Variants in ERI1 observed in about 807,000 individuals in gnomAD.
ERI1 encodes the protein exoribonuclease 1.
A neutral mutation model predicts 39.7 loss-of-function variants in ERI1; 39 were observed. The observed-to-expected ratio is 0.98, with a 90% CI of 0.76 to 1.28. The LOEUF is 1.28. Ranked by LOEUF, ERI1 falls within the 50% of genes most tolerant of loss-of-function variation. The pLI is 0.00. For missense variants in ERI1, 581 were observed against 416.9 expected (o/e 1.39, Z -3.43); for synonymous variants, 204 against 149.6 (o/e 1.36, Z -2.65).
At chr8:9,026,426 T>C (rs1455062633) in intron 6 of ERI1, among the ~76,000 whole-genome samples, 1 of 152,152 alleles carries the variant, frequency 6.6e-6, no homozygotes, top group Non-Finnish European at 1.5e-5. Context: ...TCATCATTCT[T>C]CTGTCTCTAT....
chr8:9,072,562 T>C lies in ERI1; in HGVS notation n.300-43786T>C, dbSNP rs377572271. ...CCTCAAGAAGAAACCTGAAGGATCCTTCCGTCGCCGCCTCTATCTCTGTCC... is the reference window on the plus strand; with the variant it reads ...CCTCAAGAAGAAACCTGAAGGATCCCTCCGTCGCCGCCTCTATCTCTGTCC... On this transcript the variant is annotated intron_variant and non_coding_transcript_variant, in intron 3 of 3. Transcript: ENST00000518663. 6 of 152,254 alleles carry C rather than the reference T, an allele frequency of 3.9e-5. No homozygotes were observed. The East Asian group carries it at 9.6e-4, about 24-fold the overall frequency. 9.4% of individuals were successfully genotyped at this position (152,254 alleles called of 1,614,324 possible). A position where few individuals can be genotyped will look rare whatever the true frequency, so the allele number is the denominator to read the frequency against.
chr8:9,095,915 G>A (rs1054096165), intron 3 of ERI1, among the ~76,000 whole-genome samples: 10 of 152,182 alleles, frequency 6.6e-5, no homozygotes, highest in African/African-American at 2.4e-4. Flanking sequence ...TTAAAGAAAT[G>A]TTTCGGGAGC....
At chr8:9,087,322 T>C (rs554776980) in intron 3 of ERI1, among the ~76,000 whole-genome samples, 3 of 151,878 alleles carry the variant, frequency 2.0e-5, no homozygotes, top group Admixed American at 6.5e-5. Flanking sequence ...CTTGGCTCAC[T>C]GCAATCTCCG....
intron 3 of ERI1, among the ~76,000 whole-genome samples, chr8:9,063,735 T>C (rs1798779176): frequency 6.6e-6 from 1 of 152,146 alleles, no homozygotes; most frequent in Admixed American, 6.5e-5. Flanking sequence ...CAAGAATTAT[T>C]TAGATCTTGT....
At chr8:9,059,030 G>T (rs1057225508) in intron 3 of ERI1, among the ~76,000 whole-genome samples, 4 of 152,066 alleles carry the variant, frequency 2.6e-5, no homozygotes, top group Admixed American at 6.6e-5. Context: ...GGGAGATAGG[G>T]GTGGGGCCGT....
At chr8:9,081,776 A>G (rs1799379642) in intron 3 of ERI1, among the ~76,000 whole-genome samples, 1 of 151,822 alleles carries the variant, frequency 6.6e-6, no homozygotes, top group Non-Finnish European at 1.5e-5. Context: ...GGGAAGAAAG[A>G]AAGAAGCTCC....
intron 3 of ERI1, among the ~76,000 whole-genome samples, chr8:9,093,263 AT>A (rs752805246): frequency 2.0e-5 from 3 of 152,218 alleles, no homozygotes; most frequent in Non-Finnish European, 4.4e-5. Flanking sequence ...CTTTAAAAAA[AT>A]CTTAACGTTT....
At chr8:9,054,146 G>A (rs1798438736) in intron 3 of ERI1, among the ~76,000 whole-genome samples, 1 of 152,072 alleles carries the variant, frequency 6.6e-6, no homozygotes, top group South Asian at 2.1e-4. Context: ...CAACATCAGG[G>A]GATTGCATAC....
chr8:9,051,642 G>A (rs138669604), intron 3 of ERI1, among the ~76,000 whole-genome samples: 128 of 147,414 alleles, frequency 8.7e-4, no homozygotes, highest in African/African-American at 2.9e-3. Context: ...GGGTGACAGC[G>A]CTGAGACCCT....
rs780538947 is a variant in ERI1 at position 9,003,052 on chromosome 8, G to T, written c.-12G>T. ...CCGGCTCCAGCAACTCTCCTCTGGC[G>T]TGACAGCCGGCATGGAGGATCCACA... On this transcript the variant is annotated 5_prime_UTR_variant, in exon 1 of 7. Coordinates refer to ENST00000250263, the MANE Select transcript of ERI1 (RefSeq NM_153332.4). The T allele has an allele frequency of 4.0e-5, 50 of 1,245,118 alleles. No individual in the cohort carries two copies. The African/African-American group carries it at 6.7e-4, about 17-fold the overall frequency. The allele number at this position is 1,245,118 out of a possible 1,614,324, so 77.1% of individuals were successfully genotyped here.
chr8:9,065,917 C>T (rs1447525250), intron 3 of ERI1, among the ~76,000 whole-genome samples: 2 of 152,246 alleles, frequency 1.3e-5, no homozygotes, highest in East Asian at 3.9e-4. Context: ...GCGCTGTCGG[C>T]AGTGGCTGGG....
intron 3 of ERI1, among the ~76,000 whole-genome samples, chr8:9,064,118 G>A (rs62493173): frequency 0.22 from 32,718 of 151,272 alleles, 4,164 homozygotes; most frequent in Non-Finnish European, 0.3. Flanking sequence ...ATAAGAGGTC[G>A]GGGCATGGAA....
rs372723237 is a variant in ERI1 at position 9,019,871 on chromosome 8, T to A, written c.693-479T>A. 2.6e-5 allele frequency among the ~76,000 whole-genome samples: 4 copies of A among 152,346 alleles called. No individual in the cohort carries two copies. The East Asian group carries it at 5.8e-4, about 22-fold the overall frequency. ...CGTAGGAACCAACACAATTTCCATA[T>A]TACACAATCAGTATTGTCCTTAACT... On this transcript the variant is annotated intron_variant, in intron 5 of 6. Coordinates refer to ENST00000250263, the MANE Select transcript of ERI1 (RefSeq NM_153332.4).
chr8:9,037,270 C>T (rs1223171808), downstream of ERI1, among the ~76,000 whole-genome samples: 3 of 152,202 alleles, frequency 2.0e-5, no homozygotes, highest in South Asian at 4.1e-4. Context: ...CTCACCATCA[C>T]ACTCGCGTTG....
At chr8:9,066,364 C>T (rs557266394) in intron 3 of ERI1, among the ~76,000 whole-genome samples, 10 of 152,322 alleles carry the variant, frequency 6.6e-5, no homozygotes, top group Admixed American at 5.9e-4. Context: ...GCGGGCTCCC[C>T]GGTGATCCCA....
intron 3 of ERI1, among the ~76,000 whole-genome samples, chr8:9,041,924 T>C (rs532321927): frequency 1.3e-5 from 2 of 152,180 alleles, no homozygotes; most frequent in Non-Finnish European, 2.9e-5. Context: ...AGTAGAGACG[T>C]GGTTTCACCA....
At chr8:9,064,577 A>T (rs1261478570) in intron 3 of ERI1, among the ~76,000 whole-genome samples, 1 of 152,186 alleles carries the variant, frequency 6.6e-6, no homozygotes, top group Non-Finnish European at 1.5e-5. Flanking sequence ...TGGTGCAAAG[A>T]TTGAAAGGAG....
chr8:9,048,916 G>A (rs1798262369), intron 3 of ERI1, among the ~76,000 whole-genome samples: 2 of 152,044 alleles, frequency 1.3e-5, no homozygotes, highest in Admixed American at 6.5e-5. Context: ...AAAGTGCTGG[G>A]ATTACAGGCG....
intron 3 of ERI1, among the ~76,000 whole-genome samples, chr8:9,065,093 T>C (rs1346950237): frequency 6.6e-6 from 1 of 152,024 alleles, no homozygotes; most frequent in African/African-American, 2.4e-5. Context: ...TTCACTTCTT[T>C]TGTGGTGGAA....
Sources: gnomAD v4.1 joint callset for allele counts (sites outside exome capture counted in the v4.1 genomes callset) on GRCh38, gnomAD v4.1.1 for gene constraint, MANE v1.5 for transcripts, NCBI Gene and HGNC (gene_info 2026-07-23, HGNC 2026-07-21) for gene names.